ACADM: variants seen among roughly 807,000 people sequenced by gnomAD.
ACADM encodes acyl-CoA dehydrogenase medium chain.
A neutral mutation model predicts 58.9 loss-of-function variants in ACADM; 49 were observed. The ratio of observed to expected loss-of-function variants is 0.83; its 90% confidence interval spans 0.66 to 1.06. The LOEUF is 1.06. Among genes scored for constraint, ACADM ranks in the 50% least tolerant of loss-of-function variants. The pLI, the probability that ACADM is intolerant of heterozygous loss-of-function variation, is 0.00. For synonymous variants in ACADM, 160 were observed against 157.7 expected, an observed-to-expected ratio of 1.01 and a Z score of -0.11; for missense variants, 496 against 507.0, an observed-to-expected ratio of 0.98 and a Z score of 0.21.
chr1:75,745,545 G>T, intron 7 of ACADM: 2 of 474,784 alleles, frequency 4.2e-6, no homozygotes, highest in Non-Finnish European at 7.7e-6. Context: ...ATACTGTACT[G>T]CGGGTAACTG....
At chr1:75,756,300 G>A (rs1380281419) in intron 10 of ACADM, among the ~76,000 whole-genome samples, 1 of 152,170 alleles carries the variant, frequency 6.6e-6, no homozygotes, top group Non-Finnish European at 1.5e-5. Context: ...TGTCATGATT[G>A]TTTATTTAGA....
chr1:75,750,420 A>G (rs769675240), intron 9 of ACADM, 31 bp from the exon 10 acceptor site: 7 of 1,539,196 alleles, frequency 4.5e-6, no homozygotes, highest in Middle Eastern at 4.4e-4. Context: ...GATAACATGA[A>G]CTTTTGCTTT....
In ACADM at chr1:75,749,445, A is replaced by G; in HGVS notation, c.735A>G (p.Ser245=). ...AATTAAACATGGGCCAGCGATGTTCAGATACTAGAGGAATTGTCTTCGAAG... is the reference window on the plus strand; with the variant it reads ...AATTAAACATGGGCCAGCGATGTTCGGATACTAGAGGAATTGTCTTCGAAG... ...RKELNMGQRC[S]DTRGIVFEDV... is the part of the protein sequence containing the mutation. Residue 245 remains serine, a synonymous_variant, in exon 9 of 12, where the codon TCA becomes TCG. Transcript: ENST00000370841. 6.2e-7 allele frequency: 1 copy of G among 1,614,080 alleles called. No individual in the cohort carries two copies.
intron 2 of ACADM, among the ~76,000 whole-genome samples, chr1:75,731,612 A>G (rs920074327): frequency 1.3e-5 from 2 of 152,158 alleles, no homozygotes; most frequent in South Asian, 4.1e-4. Flanking sequence ...TTATGTAAAC[A>G]AATTGTTGGA....
intron 6 of ACADM, among the ~76,000 whole-genome samples, chr1:75,735,994 A>G (rs890601788): frequency 2.6e-5 from 4 of 152,146 alleles, no homozygotes; most frequent in African/African-American, 9.7e-5. Flanking sequence ...TAAATAAATA[A>G]ATAAATGAAT....
At chr1:75,729,295 C>CTTTTTTTTTTTTTTTTTTTTTTTTTT (rs35372302) in intron 2 of ACADM, among the ~76,000 whole-genome samples, 3 of 85,340 alleles carry the variant, frequency 3.5e-5, no homozygotes, top group African/African-American at 5.1e-5. Flanking sequence ...TTTCTTTTTT[C>CTTTTTTTTTTTTTTTTTTTTTTTTTT]TTTTTTTTTT....
chr1:75,726,696 G>C (rs1022415693), intron 1 of ACADM, among the ~76,000 whole-genome samples: 1 of 151,872 alleles, frequency 6.6e-6, no homozygotes, highest in Admixed American at 6.6e-5. Flanking sequence ...CTTAATCCTA[G>C]ACTTGACCTG....
chr1:75,750,440 TA>T lies in ACADM; in HGVS notation c.850-7del. The stretch of plus-strand genomic sequence containing the variant: ...CATGAACTTTTGCTTTATAATATCT[TA>T]AAATACTAGGTAGCTGCTGGTGCTG... On this transcript the variant is annotated splice_polypyrimidine_tract_variant and intron_variant, in intron 9 of 11. Transcript: ENST00000370841. 6.3e-7 allele frequency: 1 copy of T among 1,599,884 alleles called. No individual in the cohort carries two copies. Among genetic ancestry groups the T allele is most frequent in the Non-Finnish European group, 8.5e-7 (1 of 1,171,740 alleles).
chr1:75,743,615 G>T, intron 7 of ACADM: 1 of 1,558,778 alleles, frequency 6.4e-7, no homozygotes, highest in Non-Finnish European at 8.9e-7. Flanking sequence ...GCAGACAGGG[G>T]GGTTGATAAT....
chr1:75,737,054 T>C (rs1246974996), intron 6 of ACADM, among the ~76,000 whole-genome samples: 1 of 151,804 alleles, frequency 6.6e-6, no homozygotes, highest in South Asian at 2.1e-4. Flanking sequence ...GTTGAATGTT[T>C]AAACTCCTTG....
In ACADM at chr1:75,732,862, C is replaced by G; in HGVS notation, c.226C>G (p.Pro76Ala). ...EYDKTGEYPV[P>A]LIRRAWELGL... ...GTTCTTTTTCTTCTAGTATCCAGTC[C>G]CCCTAATTAGAAGAGCCTGGGAACT... The change falls in exon 4 of 12, where the codon CCC becomes GCC. Residue 76 changes from proline (P) to alanine (A), a missense_variant. Transcript: ENST00000370841. 10 of 1,613,252 alleles carry G rather than the reference C, an allele frequency of 6.2e-6. No homozygotes were observed. The highest frequency in any genetic ancestry group is 8.5e-6 in the Non-Finnish European group (10 of 1,179,346).
At chr1:75,746,127 G>T (rs1000590032) in intron 8 of ACADM, among the ~76,000 whole-genome samples, 5 of 152,210 alleles carry the variant, frequency 3.3e-5, no homozygotes, top group Non-Finnish European at 5.9e-5. Context: ...GTACCAACCT[G>T]TGGAGAAGGC....
intron 1 of ACADM, among the ~76,000 whole-genome samples, chr1:75,727,378 TTTCTC>T (rs1451752766): frequency 3.9e-5 from 6 of 152,366 alleles, no homozygotes; most frequent in South Asian, 2.1e-4. Context: ...CAGCTGCTCT[TTTCTC>T]TTAGTATCTA....
At chr1:75,742,918 C>T (rs940010150) in intron 7 of ACADM, among the ~76,000 whole-genome samples, 1 of 89,538 alleles carries the variant, frequency 1.1e-5, no homozygotes, top group Non-Finnish European at 3.0e-5. Flanking sequence ...AGGAAAGCAG[C>T]ACCTCTTTGC....
At position 75,731,751 on chromosome 1, in the gene ACADM, A is replaced by T. The variant is rs145497960; in HGVS notation, c.119-893A>T. On this transcript the variant is annotated intron_variant, in intron 2 of 11. Transcript: ENST00000370841. ...GTTTAAAGGAGCTGTAAGCCTAGGC[A>T]TGGTGTCTCATGCTTGTAATCCCAG... Among the ~76,000 whole-genome samples the T allele has an allele frequency of 3.1e-3, 468 of 152,252 alleles. 1 individual carries two copies. The highest frequency in any genetic ancestry group is 0.011 in the African/African-American group (441 of 41,542).
chr1:75,733,318 T>C (rs1647184922), intron 4 of ACADM: 3 of 1,110,850 alleles, frequency 2.7e-6, no homozygotes, highest in Non-Finnish European at 2.5e-6. Flanking sequence ...AGGTTCAAAT[T>C]ACAAATAGTA....
At chr1:75,727,096 C>G (rs1647068850) in intron 1 of ACADM, among the ~76,000 whole-genome samples, 1 of 152,114 alleles carries the variant, frequency 6.6e-6, no homozygotes, top group African/African-American at 2.4e-5. Context: ...AGCCACCCCA[C>G]CTGGCACTGT....
chr1:75,736,590 C>T (rs1647275354), intron 6 of ACADM, among the ~76,000 whole-genome samples: 1 of 152,132 alleles, frequency 6.6e-6, no homozygotes, highest in Non-Finnish European at 1.5e-5. Context: ...GGACAGGTTG[C>T]CCTCCATATC....
chr1:75,739,846 G>T, intron 6 of ACADM, 134 bp from the exon 7 acceptor site: 1 of 649,492 alleles, frequency 1.5e-6, no homozygotes, highest in Non-Finnish European at 2.4e-6. Flanking sequence ...CTTTGATTTT[G>T]TAAGAACATT....
Sources: gnomAD v4.1 joint callset for allele counts (sites outside exome capture counted in the v4.1 genomes callset) on GRCh38, gnomAD v4.1.1 for gene constraint, MANE v1.5 for transcripts, NCBI Gene and HGNC (gene_info 2026-07-23, HGNC 2026-07-21) for gene names.